NEGR1: variants seen among roughly 807,000 people sequenced by gnomAD.
NEGR1 encodes the protein IgLON family member 4.
Under a neutral mutation model 40.9 loss-of-function variants are expected in NEGR1, and 10 were observed. The observed-to-expected ratio is 0.24, with a 90% CI of 0.15 to 0.42. NEGR1 has a LOEUF of 0.42. Among genes scored for constraint, NEGR1 ranks in the 10% least tolerant of loss-of-function variants. The probability of loss-of-function intolerance (pLI) is 1.00; values close to 1 mark genes in which losing one functional copy is unlikely to be tolerated. For synonymous variants in NEGR1, 185 were observed against 166.8 expected (o/e 1.11, Z -0.84); for missense variants, 352 against 438.9 (o/e 0.80, Z 1.77).
intron 6 of NEGR1, among the ~76,000 whole-genome samples, chr1:71,484,052 C>G (rs1646871650): frequency 6.6e-6 from 1 of 151,556 alleles, no homozygotes; most frequent in Non-Finnish European, 1.5e-5. Context: ...TCTAGGTAAA[C>G]TCATCAATAT....
chr1:71,478,737 T>A (rs1646836885), intron 6 of NEGR1, among the ~76,000 whole-genome samples: 1 of 152,018 alleles, frequency 6.6e-6, no homozygotes, highest in African/African-American at 2.4e-5. Context: ...TTTCCCCCAA[T>A]GGTACTGTGC....
chr1:71,967,383 C>T (rs748351839), intron 1 of NEGR1, among the ~76,000 whole-genome samples: 23 of 152,090 alleles, frequency 1.5e-4, no homozygotes, highest in Non-Finnish European at 2.5e-4. Context: ...CATTTTTCTT[C>T]CATGGCACAC....
chr1:71,529,635 T>C (rs1647296062), intron 6 of NEGR1, among the ~76,000 whole-genome samples: 1 of 151,034 alleles, frequency 6.6e-6, no homozygotes. Context: ...TAAATAGAAA[T>C]GATTTATGTC....
chr1:71,701,633 A>G (rs1348808382), intron 3 of NEGR1, among the ~76,000 whole-genome samples: 1 of 152,028 alleles, frequency 6.6e-6, no homozygotes. Flanking sequence ...GTAAGGTAAC[A>G]TGGTCATATA....
At chr1:71,464,607 T>A (rs1434215616) in intron 6 of NEGR1, among the ~76,000 whole-genome samples, 1 of 152,104 alleles carries the variant, frequency 6.6e-6, no homozygotes, top group Non-Finnish European at 1.5e-5. Context: ...CTCCCAAGAA[T>A]GCAGTTCTGT....
chr1:71,812,082 G>T (rs2101763622), intron 2 of NEGR1, among the ~76,000 whole-genome samples: 1 of 151,886 alleles, frequency 6.6e-6, no homozygotes. Flanking sequence ...AGTGTGTGTT[G>T]TTCCCCTCCC....
Position 71,633,019 on chromosome 1 carries a change from T to C in NEGR1, c.668-21873A>G, listed in dbSNP as rs1227576567. 2.6e-5 allele frequency among the ~76,000 whole-genome samples: 4 copies of C among 152,248 alleles called. No homozygotes were observed. The East Asian group carries it at 7.7e-4, about 29-fold the overall frequency. ...ATCAGGTATTTTGTTATTAAGTAGA[T>C]ATAACTGCATATGTCTTTAAAATAT... On this transcript the variant is annotated intron_variant, in intron 4 of 6. Transcript: ENST00000357731.
At chr1:71,616,981 G>T (rs2101548804) in intron 4 of NEGR1, among the ~76,000 whole-genome samples, 1 of 152,282 alleles carries the variant, frequency 6.6e-6, no homozygotes, top group East Asian at 1.9e-4. Context: ...ATCCAACAAG[G>T]CCATGAAAAC....
intron 4 of NEGR1, among the ~76,000 whole-genome samples, chr1:71,655,191 G>C (rs780684497): frequency 1.4e-4 from 21 of 152,072 alleles, no homozygotes; most frequent in Non-Finnish European, 8.8e-5. Flanking sequence ...TAATTGCTGT[G>C]GAGGAAGGTC....
intron 1 of NEGR1, among the ~76,000 whole-genome samples, chr1:72,089,028 C>A (rs1648347530): frequency 6.6e-6 from 1 of 151,922 alleles, no homozygotes; most frequent in South Asian, 2.1e-4. Context: ...ATTAACAGAG[C>A]CATGCTTCTC....
intron 2 of NEGR1, among the ~76,000 whole-genome samples, chr1:71,835,961 T>A (rs985531251): frequency 1.8e-4 from 27 of 152,062 alleles, no homozygotes; most frequent in Non-Finnish European, 4.4e-5. Flanking sequence ...ATTTAAGTAA[T>A]TAATTTGTTT....
At chr1:71,805,190 C>A (rs1165251800) in intron 2 of NEGR1, among the ~76,000 whole-genome samples, 1 of 152,132 alleles carries the variant, frequency 6.6e-6, no homozygotes, top group Non-Finnish European at 1.5e-5. Flanking sequence ...AATGACAATG[C>A]GTGCCCAAAA....
At chr1:71,434,060 G>T (rs1646488251) in intron 6 of NEGR1, among the ~76,000 whole-genome samples, 4 of 152,048 alleles carry the variant, frequency 2.6e-5, no homozygotes, top group Non-Finnish European at 2.9e-5. Flanking sequence ...AACAATACTG[G>T]TTAGAATTAT....
intron 2 of NEGR1, among the ~76,000 whole-genome samples, chr1:71,837,298 ACT>A (rs1231008768): frequency 1.3e-5 from 2 of 151,910 alleles, no homozygotes; most frequent in African/African-American, 4.8e-5. Context: ...GTTCCTAACA[ACT>A]CTCTGACAAA....
At chr1:71,656,294 T>C (rs1651872099) in intron 4 of NEGR1, among the ~76,000 whole-genome samples, 1 of 152,206 alleles carries the variant, frequency 6.6e-6, no homozygotes, top group Non-Finnish European at 1.5e-5. Flanking sequence ...GCCCCTATTC[T>C]CCTTCTAACA....
intron 1 of NEGR1, among the ~76,000 whole-genome samples, chr1:72,123,526 G>C (rs1649887251): frequency 6.6e-6 from 1 of 151,532 alleles, no homozygotes; most frequent in Admixed American, 6.6e-5. Flanking sequence ...ATGGCAAATG[G>C]ATGAAGAATT....
intron 1 of NEGR1, among the ~76,000 whole-genome samples, chr1:72,271,873 G>C (rs144238270): frequency 6.6e-6 from 1 of 151,790 alleles, no homozygotes; most frequent in African/African-American, 2.4e-5. Context: ...GGTTTATCAG[G>C]GCCTTCTGCT....
chr1:71,952,055 CAACAA>C (rs1646075593), intron 1 of NEGR1, among the ~76,000 whole-genome samples: 1 of 151,846 alleles, frequency 6.6e-6, no homozygotes, highest in African/African-American at 2.4e-5. Flanking sequence ...CCCCAAGATA[CAACAA>C]TTTTGCAATC....
At chr1:72,112,246 G>A (rs1337807462) in intron 1 of NEGR1, among the ~76,000 whole-genome samples, 6 of 145,294 alleles carry the variant, frequency 4.1e-5, no homozygotes, top group Non-Finnish European at 9.0e-5. Context: ...TGATGGCTCA[G>A]AGTTGTACAC....
Sources: gnomAD v4.1 joint callset for allele counts (sites outside exome capture counted in the v4.1 genomes callset) on GRCh38, gnomAD v4.1.1 for gene constraint, MANE v1.5 for transcripts, NCBI Gene and HGNC (gene_info 2026-07-23, HGNC 2026-07-21) for gene names.